DLGAP1: variants seen among roughly 807,000 people sequenced by gnomAD.
DLGAP1 encodes disks large-associated protein 1.
In DLGAP1, 11 loss-of-function variants were observed where a neutral mutation model predicts 90.8. That is an observed-to-expected ratio of 0.12 (90% confidence interval 0.08 to 0.20). The LOEUF (loss-of-function observed/expected upper bound fraction) is 0.20. DLGAP1 is among the 10% of genes least tolerant of loss of function. The pLI, the probability that DLGAP1 is intolerant of heterozygous loss-of-function variation, is 1.00. For synonymous variants in DLGAP1, 558 were observed against 540.7 expected (o/e 1.03, Z -0.44); for missense variants, 1,050 against 1,333.8 (o/e 0.79, Z 3.31).
chr18:4,056,531 AT>A (rs2075219779), intron 2 of DLGAP1, among the ~76,000 whole-genome samples: 1 of 152,192 alleles, frequency 6.6e-6, no homozygotes, highest in Non-Finnish European at 1.5e-5. Flanking sequence ...CTGTATTAGC[AT>A]TGGTCTTCCT....
chr18:3,592,989 C>CTGATGAAA (rs2056367076), intron 7 of DLGAP1, among the ~76,000 whole-genome samples: 1 of 151,552 alleles, frequency 6.6e-6, no homozygotes, highest in African/African-American at 2.4e-5. Flanking sequence ...CCCCATTTAA[C>CTGATGAAA]TGATGAAAAT....
intron 7 of DLGAP1, among the ~76,000 whole-genome samples, chr18:3,633,047 C>G (rs182659761): frequency 5.3e-5 from 8 of 152,270 alleles, no homozygotes; most frequent in African/African-American, 1.9e-4. Flanking sequence ...TATTAGGCTA[C>G]GCCTTGGGCA....
At chr18:3,601,180 G>A (rs374613627) in intron 7 of DLGAP1, among the ~76,000 whole-genome samples, 52 of 151,726 alleles carry the variant, frequency 3.4e-4, no homozygotes, top group East Asian at 2.7e-3. Flanking sequence ...TCCACTTCCC[G>A]GGCTAAAGCA....
chr18:4,266,915 A>G (rs1048748441), intron 1 of DLGAP1, among the ~76,000 whole-genome samples: 6 of 151,724 alleles, frequency 4.0e-5, no homozygotes, highest in Non-Finnish European at 7.3e-5. Flanking sequence ...TGTAATCTTT[A>G]TATAAATTTG....
At chr18:3,788,387 A>G (rs763193658) in intron 5 of DLGAP1, among the ~76,000 whole-genome samples, 3 of 152,134 alleles carry the variant, frequency 2.0e-5, no homozygotes, top group Non-Finnish European at 2.9e-5. Context: ...TAATCCTTTC[A>G]ATCCTCACTG....
Position 4,151,629 on chromosome 18 carries a change from G to A in DLGAP1, c.-266-342C>T, listed in dbSNP as rs138775093. The stretch of plus-strand genomic sequence containing the variant: ...TCTGTAAGACATAATATACATATGC[G>A]ATTGTATTCACTTCCTGAGCGTTAT... On this transcript the variant is annotated intron_variant, in intron 1 of 12. Transcript: ENST00000315677. Among the ~76,000 whole-genome samples the A allele has an allele frequency of 5.4e-3, 815 of 152,252 alleles. 6 individuals are homozygous for A. Among genetic ancestry groups the A allele is most frequent in the Middle Eastern group, 0.034 (10 of 294 alleles).
chr18:4,136,660 T>G (rs1448193159), intron 2 of DLGAP1, among the ~76,000 whole-genome samples: 2 of 152,218 alleles, frequency 1.3e-5, no homozygotes, highest in African/African-American at 4.8e-5. Flanking sequence ...CAATGGATAG[T>G]TGCAAACATT....
At chr18:4,239,067 T>C (rs1346192047) in intron 1 of DLGAP1, among the ~76,000 whole-genome samples, 25 of 152,202 alleles carry the variant, frequency 1.6e-4, no homozygotes, top group Admixed American at 1.6e-3. Context: ...GCTGGGAGTG[T>C]TGTGCAGTGC....
chr18:4,437,806 G>A (rs554855830), intron 1 of DLGAP1, among the ~76,000 whole-genome samples: 28 of 150 alleles, frequency 0.19, no homozygotes, highest in African/African-American at 0.22. Context: ...ACTTAATACA[G>A]TTGGAGGGTT....
In DLGAP1 at chr18:3,954,496, A is replaced by G. The variant is rs573763752; in HGVS notation, c.-73+50620T>C. On this transcript the variant is annotated intron_variant, in intron 3 of 12. Transcript: ENST00000315677. ...AACAATATTTTTACTAGTAAGTAAA[A>G]TAATAAAACTATTTCACACAAGAAG... Among the ~76,000 whole-genome samples, 24 of 152,374 alleles carry G rather than the reference A, an allele frequency of 1.6e-4. No homozygotes were observed. In the South Asian group the frequency reaches 5.0e-3, roughly 32 times the overall value.
intron 1 of DLGAP1, among the ~76,000 whole-genome samples, chr18:4,445,961 G>A (rs1303346117): frequency 6.6e-6 from 1 of 151,894 alleles, no homozygotes; most frequent in East Asian, 1.9e-4. Flanking sequence ...GGACAGAAAG[G>A]GAAAGAAAAC....
At chr18:3,647,072 A>G (rs943209655) in intron 7 of DLGAP1, among the ~76,000 whole-genome samples, 2 of 152,010 alleles carry the variant, frequency 1.3e-5, no homozygotes, top group Non-Finnish European at 2.9e-5. Context: ...AACACGGTGA[A>G]ACCCTGTTTC....
intron 2 of DLGAP1, among the ~76,000 whole-genome samples, chr18:4,098,568 T>C (rs1440553153): frequency 6.6e-6 from 1 of 151,494 alleles, no homozygotes; most frequent in African/African-American, 2.4e-5. Context: ...AAATGGGAAA[T>C]GGAGATTAAA....
intron 2 of DLGAP1, among the ~76,000 whole-genome samples, chr18:4,134,544 A>C (rs1341155762): frequency 1.3e-5 from 2 of 152,158 alleles, no homozygotes; most frequent in Non-Finnish European, 2.9e-5. Flanking sequence ...AGCTTTTAAT[A>C]CCAATGCATA....
intron 2 of DLGAP1, among the ~76,000 whole-genome samples, chr18:4,104,660 C>T (rs959780131): frequency 6.6e-6 from 1 of 152,068 alleles, no homozygotes; most frequent in African/African-American, 2.4e-5. Flanking sequence ...CTTCTTGAGA[C>T]ACGTTCTGTT....
At chr18:3,887,826 C>T (rs972084160) in intron 3 of DLGAP1, among the ~76,000 whole-genome samples, 1 of 151,772 alleles carries the variant, frequency 6.6e-6, no homozygotes, top group Admixed American at 6.6e-5. Flanking sequence ...AAACAGAAAA[C>T]GGCCGGGGGC....
At chr18:3,977,434 G>GTTTTTTTTTTTT (rs58599574) in intron 3 of DLGAP1, among the ~76,000 whole-genome samples, 66 of 95,322 alleles carry the variant, frequency 6.9e-4, no homozygotes, top group African/African-American at 2.4e-3. Flanking sequence ...TTTATTCTGT[G>GTTTTTTTTTTTT]TTTTTTTTTT....
intron 3 of DLGAP1, among the ~76,000 whole-genome samples, chr18:3,976,117 T>A (rs35711557): frequency 1.3e-5 from 2 of 151,280 alleles, no homozygotes; most frequent in African/African-American, 2.4e-5. Context: ...GAGGCTGAGG[T>A]GGTTGGATCA....
intron 1 of DLGAP1, among the ~76,000 whole-genome samples, chr18:4,290,241 G>A (rs569229591): frequency 4.6e-5 from 7 of 152,124 alleles, no homozygotes; most frequent in South Asian, 2.1e-4. Flanking sequence ...TTATGCATAC[G>A]GTTTCAAAAT....
Sources: gnomAD v4.1 joint callset for allele counts (sites outside exome capture counted in the v4.1 genomes callset) on GRCh38, gnomAD v4.1.1 for gene constraint, MANE v1.5 for transcripts, NCBI Gene and HGNC (gene_info 2026-07-23, HGNC 2026-07-21) for gene names.